Variants in CRACR2A observed in about 807,000 individuals in gnomAD.
The protein encoded by CRACR2A is calcium release activated channel regulator 2A, also known as EF-hand calcium-binding domain-containing protein 4B.
CRACR2A carries 79 observed loss-of-function variants against 90.5 expected under a neutral mutation model. The ratio of observed to expected loss-of-function variants is 0.87; its 90% CI spans 0.73 to 1.05. CRACR2A has a LOEUF of 1.05. Among genes scored for constraint, CRACR2A ranks in the 50% least tolerant of loss-of-function variants. The probability of loss-of-function intolerance (pLI) is 0.00; values close to 1 mark genes in which losing one functional copy is unlikely to be tolerated. For synonymous variants in CRACR2A, 338 were observed against 356.7 expected (o/e 0.95, Z 0.59); for missense variants, 823 against 897.2 (o/e 0.92, Z 1.06).
rs1565462704 is a variant in CRACR2A at position 3,627,438 on chromosome 12, C to T, written c.1930G>A (p.Glu644Lys). 3 of 1,551,646 alleles carry T rather than the reference C, an allele frequency of 1.9e-6. No homozygotes were observed. Among genetic ancestry groups the T allele is most frequent in the Non-Finnish European group, 2.6e-6 (3 of 1,146,870 alleles). Residue 644 changes from glutamate to lysine, a missense_variant and splice_region_variant, in exon 17 of 20, where the codon GAG (glutamate) becomes AAG (lysine). Coordinates refer to ENST00000440314, the MANE Select transcript of CRACR2A (RefSeq NM_001144958.2). ...TCCTAGGAAGGTCGCCAGCTCACCT[C>T]CACGCTGCTCAGCCACCGCCGGACC... ...LSVRRWLSSV[E>K]EAVGDRVPVL... is the part of the protein sequence containing the mutation.
chr12:3,748,449 A>G (rs1946656593), intron 1 of CRACR2A, among the ~76,000 whole-genome samples: 1 of 152,236 alleles, frequency 6.6e-6, no homozygotes, highest in African/African-American at 2.4e-5. Flanking sequence ...TCCCGCTGGC[A>G]TTCCGAGAAA....
chr12:3,649,269 A>AAATAAATAAAT (rs1565473619), intron 10 of CRACR2A, among the ~76,000 whole-genome samples: 6 of 110,816 alleles, frequency 5.4e-5, no homozygotes, highest in African/African-American at 1.7e-4. Context: ...AATAAATAAA[A>AAATAAATAAAT]AAGAGTTTGT....
chr12:3,685,054 C>T (rs1207594225), intron 4 of CRACR2A, among the ~76,000 whole-genome samples: 1 of 152,252 alleles, frequency 6.6e-6, no homozygotes, highest in Non-Finnish European at 1.5e-5. Context: ...CTCATCCACT[C>T]ATTCCCTCCG....
At chr12:3,707,638 AC>A (rs1945948565) in intron 3 of CRACR2A, among the ~76,000 whole-genome samples, 1 of 152,238 alleles carries the variant, frequency 6.6e-6, no homozygotes. Flanking sequence ...TATTAAAGAA[AC>A]TGCTACAAAA....
chr12:3,712,139 A>G (rs577207030), intron 3 of CRACR2A, among the ~76,000 whole-genome samples: 57 of 152,300 alleles, frequency 3.7e-4, no homozygotes, highest in African/African-American at 1.3e-3. Flanking sequence ...GGCTAGCAGA[A>G]CCATAGTATC....
chr12:3,751,174 C>T (rs775543387), intron 1 of CRACR2A, among the ~76,000 whole-genome samples: 6 of 152,216 alleles, frequency 3.9e-5, no homozygotes, highest in Non-Finnish European at 8.8e-5. Flanking sequence ...ACAATCATAG[C>T]AATCTCCTCA....
At chr12:3,654,429 G>C (rs1428239712) in intron 9 of CRACR2A, 30 bp from the exon 10 acceptor site, 2 of 1,556,822 alleles carry the variant, frequency 1.3e-6, no homozygotes, top group Non-Finnish European at 1.7e-6. Flanking sequence ...AGAGGGGAAT[G>C]AGGAGTGACC....
chr12:3,641,912 C>A, intron 12 of CRACR2A, 74 bp from the exon 13 acceptor site: 1 of 1,314,510 alleles, frequency 7.6e-7, no homozygotes, highest in South Asian at 1.3e-5. Context: ...GCTCATGGTT[C>A]CCACCTCATA....
chr12:3,670,152 C>T (rs1465998335), intron 7 of CRACR2A, among the ~76,000 whole-genome samples: 1 of 152,200 alleles, frequency 6.6e-6, no homozygotes, highest in East Asian at 1.9e-4. Context: ...TGGTTCGATG[C>T]TAGCTACTGG....
intron 4 of CRACR2A, among the ~76,000 whole-genome samples, chr12:3,684,458 G>T (rs1335206011): frequency 3.3e-5 from 5 of 152,168 alleles, no homozygotes; most frequent in Non-Finnish European, 5.9e-5. Flanking sequence ...GGGGAAGGCA[G>T]GGGAGGGACC....
intron 3 of CRACR2A, among the ~76,000 whole-genome samples, chr12:3,708,082 C>T (rs932115153): frequency 1.3e-5 from 2 of 152,168 alleles, no homozygotes; most frequent in Non-Finnish European, 2.9e-5. Context: ...CCTCAGCATC[C>T]GTGTGCTTTC....
intron 3 of CRACR2A, among the ~76,000 whole-genome samples, chr12:3,709,014 C>G (rs1945971873): frequency 6.6e-6 from 1 of 152,212 alleles, no homozygotes; most frequent in Non-Finnish European, 1.5e-5. Flanking sequence ...ATTTCTCCAG[C>G]TACGTGGAAG....
At chr12:3,649,573 T>G (rs1469633512) in intron 10 of CRACR2A, among the ~76,000 whole-genome samples, 1 of 152,164 alleles carries the variant, frequency 6.6e-6, no homozygotes, top group Non-Finnish European at 1.5e-5. Flanking sequence ...TAATCATTGA[T>G]ATCACTGTGC....
chr12:3,696,800 T>G lies in CRACR2A; in HGVS notation c.200A>C (p.Lys67Thr), dbSNP rs1334158252. ...EFFQTCDAEG[K>T]GFIARKDMQR... ...CATATCCTTCCTGGCGATGAAGCCC[T>G]TGCCTTCAGCATCACAGGTCTGAAA... The change falls in exon 4 of 20, where the codon AAG (lysine) becomes ACG (threonine). Residue 67 changes from lysine (K) to threonine (T), a missense_variant. Physicochemically the swap from Lys to Thr is moderately conservative, Grantham distance 78. Transcript: ENST00000440314. 6.2e-7 allele frequency: 1 copy of G among 1,614,216 alleles called. No individual in the cohort carries two copies. Among genetic ancestry groups the G allele is most frequent in the Non-Finnish European group, 8.5e-7 (1 of 1,180,036 alleles).
chr12:3,668,862 C>T (rs1171858366), intron 7 of CRACR2A, among the ~76,000 whole-genome samples: 2 of 152,158 alleles, frequency 1.3e-5, no homozygotes, highest in Non-Finnish European at 2.9e-5. Flanking sequence ...AAGAAAGTGC[C>T]TGAGGTCTGA....
rs2137863953 is a variant in CRACR2A, at chr12:3,733,093, G to C, written c.-269C>G. On this transcript the variant is annotated 5_prime_UTR_variant, in exon 2 of 20. Transcript: ENST00000440314. ...TGCTAAGTGCCCAGTGGAGGCTCTG[G>C]CTGGGCTCATGGAGGAAGAGTGGCA... 6.6e-6 allele frequency: 1 copy of C among 152,622 alleles called. No homozygotes were observed. Among genetic ancestry groups the C allele is most frequent in the South Asian group, 2.1e-4 (1 of 4,824 alleles). The allele number at this position is 152,622 out of a possible 1,614,324, so 9.5% of individuals were successfully genotyped here. A position where few individuals can be genotyped will look rare whatever the true frequency, so the allele number is the denominator to read the frequency against.
At chr12:3,738,931 T>C (rs1591723390) in intron 1 of CRACR2A, among the ~76,000 whole-genome samples, 2 of 152,282 alleles carry the variant, frequency 1.3e-5, no homozygotes, top group Non-Finnish European at 1.5e-5. Flanking sequence ...CAGAAGGCAG[T>C]GGTAAAATAC....
chr12:3,629,638 G>C (rs903786035), intron 15 of CRACR2A, among the ~76,000 whole-genome samples: 5 of 152,218 alleles, frequency 3.3e-5, no homozygotes, highest in African/African-American at 7.2e-5. Context: ...TCAGCTCCTG[G>C]TGCTTTGCTG....
intron 15 of CRACR2A, 21 bp from the exon 16 acceptor site, chr12:3,627,727 G>A (rs1158300264): frequency 3.1e-5 from 48 of 1,551,024 alleles, no homozygotes; most frequent in Non-Finnish European, 3.9e-5. Context: ...AAATGGGCCT[G>A]TCAGGGCTGC....
Sources: allele counts gnomAD v4.1 joint callset (sites outside exome capture counted in the v4.1 genomes callset), GRCh38; gene constraint gnomAD v4.1.1; transcripts MANE v1.5; gene names NCBI Gene and HGNC (gene_info 2026-07-23, HGNC 2026-07-21).